Variants in CPSF7 observed in about 807,000 individuals in gnomAD.
CPSF7 encodes cleavage and polyadenylation specificity factor subunit 7.
In CPSF7, 1 loss-of-function variant was observed where a neutral mutation model predicts 44.3. The observed-to-expected ratio is 0.02, with a 90% confidence interval of 0.01 to 0.11. The LOEUF is 0.11. Ranked by LOEUF, CPSF7 falls within the 10% of genes least tolerant of loss-of-function variation. CPSF7 has a pLI of 1.00. For synonymous variants in CPSF7, 202 were observed against 222.0 expected, an observed-to-expected ratio of 0.91 and a Z score of 0.80; for missense variants, 443 against 607.2, an observed-to-expected ratio of 0.73 and a Z score of 2.84.
intron 2 of CPSF7, among the ~76,000 whole-genome samples, chr11:61,423,670 T>C (rs1861104197): frequency 6.6e-6 from 1 of 152,166 alleles, no homozygotes; most frequent in African/African-American, 2.4e-5. Context: ...TTGGGAAACT[T>C]GTCTAGTACC....
At chr11:61,405,547 T>C (rs886553726) in intron 9 of CPSF7, among the ~76,000 whole-genome samples, 2 of 152,194 alleles carry the variant, frequency 1.3e-5, no homozygotes, top group African/African-American at 4.8e-5. Flanking sequence ...ACAAAGTTCC[T>C]ACTATACTCA....
chr11:61,411,658 G>T, intron 8 of CPSF7, 111 bp downstream of exon 8: 1 of 940,594 alleles, frequency 1.1e-6, no homozygotes. Context: ...CTAACGTCCA[G>T]ACTTTCGGCC....
At position 61,412,845 on chromosome 11, in the gene CPSF7, C is replaced by A. The variant is rs1339919664; in HGVS notation, c.1058-908G>T. ...AAACAAGCAAGTTTCAAAACCATAT[C>A]CTGTTTTTGTAAAAACAATAAAAAT... On this transcript the variant is annotated intron_variant, in intron 7 of 9. Transcript: ENST00000439958. 2.6e-5 allele frequency among the ~76,000 whole-genome samples: 4 copies of A among 152,158 alleles called. No homozygotes were observed. The East Asian group carries it at 7.7e-4, about 29-fold the overall frequency.
In CPSF7 at chr11:61,415,902, A is replaced by G. The variant is rs576105520; in HGVS notation, c.939-118T>C. 1.5e-4 allele frequency: 135 copies of G among 884,162 alleles called. 1 individual carries two copies. The South Asian group carries it at 1.7e-3, about 11-fold the overall frequency. The allele number at this position is 884,162 out of a possible 1,614,324, so 54.8% of individuals were successfully genotyped here. On this transcript the variant is annotated intron_variant, in intron 6 of 9. Coordinates refer to ENST00000439958, the MANE Select transcript of CPSF7 (RefSeq NM_001142565.3). ...ACAATGCTAGACATCTGTAGCATTC[A>G]TAACACCTGCTCCCGCATTTAATTA...
At chr11:61,419,819 C>T in intron 5 of CPSF7, 130 bp downstream of exon 5, 1 of 1,139,316 alleles carries the variant, frequency 8.8e-7, no homozygotes, top group East Asian at 2.4e-5. Flanking sequence ...CACTCACAAC[C>T]ACCATCACCC....
chr11:61,419,958 C>A lies in CPSF7; in HGVS notation c.514G>T (p.Ala172Ser). 1 of 1,614,076 alleles carries A rather than the reference C, an allele frequency of 6.2e-7. No individual in the cohort carries two copies. Among genetic ancestry groups the A allele is most frequent in the Non-Finnish European group, 8.5e-7 (1 of 1,180,006 alleles). ...RQNLSQFEAQARKRIPPRAHS... is the reference protein window; with the variant it reads ...RQNLSQFEAQSRKRIPPRAHS... ...ACTCGGACACACTCACGTTTCCGAG[C>A]CTGTGCCTCAAACTGTGACAGGTTC... The change falls in exon 5 of 10, where the codon GCT becomes TCT. Residue 172 changes from alanine (A) to serine (S), a missense_variant. Ala to Ser is a moderately conservative substitution (Grantham distance 99). Transcript: ENST00000439958.
intron 5 of CPSF7, among the ~76,000 whole-genome samples, chr11:61,419,369 A>G (rs1404643856): frequency 6.6e-6 from 1 of 152,180 alleles, no homozygotes; most frequent in Non-Finnish European, 1.5e-5. Context: ...AGACTAAAAC[A>G]TTTGGTAATC....
intron 2 of CPSF7, among the ~76,000 whole-genome samples, chr11:61,423,460 C>T (rs111864572): frequency 2.0e-5 from 3 of 152,100 alleles, no homozygotes; most frequent in Non-Finnish European, 2.9e-5. Context: ...CGTGAGCCAC[C>T]GTGCCTAGCC....
chr11:61,414,073 C>T (rs1860090264), intron 7 of CPSF7, among the ~76,000 whole-genome samples: 1 of 151,544 alleles, frequency 6.6e-6, no homozygotes, highest in Middle Eastern at 3.4e-3. Flanking sequence ...ACAATGAGTA[C>T]TTTCTTTATA....
chr11:61,415,935 TA>T (rs1186344483), intron 6 of CPSF7, 151 bp from the exon 7 acceptor site: 12 of 834,578 alleles, frequency 1.4e-5, no homozygotes, highest in Admixed American at 2.6e-5. Context: ...TTAAGCACCT[TA>T]AAAAGGGGTA....
intron 2 of CPSF7, among the ~76,000 whole-genome samples, chr11:61,423,092 T>TGA (rs1357193868): frequency 2.0e-5 from 2 of 101,290 alleles, no homozygotes; most frequent in African/African-American, 8.2e-5. Context: ...GGCAACAGAG[T>TGA]GAGACCCCAT....
chr11:61,429,774 G>T, intron 1 of CPSF7, 140 bp downstream of exon 1: 1 of 1,546,474 alleles, frequency 6.5e-7, no homozygotes, highest in Non-Finnish European at 8.7e-7. Context: ...GGCGCGCTCT[G>T]CCTCCTCCCT....
intron 5 of CPSF7, among the ~76,000 whole-genome samples, chr11:61,418,643 A>C (rs1208557979): frequency 6.6e-6 from 1 of 152,154 alleles, no homozygotes; most frequent in Non-Finnish European, 1.5e-5. Context: ...CTTAGTGAGT[A>C]CAGTCAGAAT....
intron 8 of CPSF7, 70 bp downstream of exon 8, chr11:61,411,699 T>C: frequency 1.4e-6 from 2 of 1,410,114 alleles, no homozygotes; most frequent in South Asian, 2.6e-5. Context: ...GGGCTCCATT[T>C]GTCCCCACTC....
chr11:61,407,681 G>A (rs1265464573), intron 9 of CPSF7, among the ~76,000 whole-genome samples: 31 of 152,196 alleles, frequency 2.0e-4, no homozygotes, highest in Admixed American at 2.0e-3. Flanking sequence ...GCTAACAACA[G>A]AGAACAGAGA....
At chr11:61,428,901 T>C (rs1861653949) in intron 2 of CPSF7, 2 of 245,534 alleles carry the variant, frequency 8.1e-6, no homozygotes, top group Non-Finnish European at 7.9e-6. Context: ...CACCCACCTT[T>C]GGCTTCCTGG....
At chr11:61,419,419 T>C (rs1860651341) in intron 5 of CPSF7, among the ~76,000 whole-genome samples, 1 of 152,210 alleles carries the variant, frequency 6.6e-6, no homozygotes, top group South Asian at 2.1e-4. Flanking sequence ...TGGAGAAATA[T>C]TGTTCAAGTC....
chr11:61,411,684 T>A, intron 8 of CPSF7, 85 bp downstream of exon 8: 1 of 1,284,154 alleles, frequency 7.8e-7, no homozygotes, highest in Non-Finnish European at 1.1e-6. Context: ...TTTCCCAGAT[T>A]CCCTGGGCTC....
At chr11:61,420,331 T>C in intron 4 of CPSF7, 139 bp downstream of exon 4, 1 of 794,556 alleles carries the variant, frequency 1.3e-6, no homozygotes, top group South Asian at 1.8e-5. Context: ...CTAGGTCCCT[T>C]TCTAAGGCAG....
Sources: allele counts gnomAD v4.1 joint callset (sites outside exome capture counted in the v4.1 genomes callset), GRCh38; gene constraint gnomAD v4.1.1; transcripts MANE v1.5; gene names NCBI Gene and HGNC (gene_info 2026-07-23, HGNC 2026-07-21).